The following ST6GALNAC3 variants were observed in gnomAD, a reference collection of about 807,000 sequenced individuals.
ST6GALNAC3 encodes ST6 N-acetylgalactosaminide alpha-2,6-sialyltransferase 3.
In ST6GALNAC3, 25 loss-of-function variants were observed where a neutral mutation model predicts 32.7. That is an observed-to-expected ratio of 0.76 (90% CI 0.56 to 1.07). ST6GALNAC3 has a LOEUF of 1.07. Ranked by LOEUF, ST6GALNAC3 falls within the 50% of genes least tolerant of loss-of-function variation. The probability of loss-of-function intolerance (pLI) is 0.00; values close to 1 mark genes in which losing one functional copy is unlikely to be tolerated. For missense variants in ST6GALNAC3, 355 were observed against 382.4 expected (o/e 0.93, Z 0.60); for synonymous variants, 129 against 133.1 (o/e 0.97, Z 0.21).
intron 1 of ST6GALNAC3, among the ~76,000 whole-genome samples, chr1:76,295,484 T>C (rs1260923661): frequency 1.3e-5 from 2 of 152,016 alleles, no homozygotes. Context: ...GTAGGATGAC[T>C]AGAGAGAGAA....
At chr1:76,408,940 A>G (rs1571134316) in intron 2 of ST6GALNAC3, among the ~76,000 whole-genome samples, 1 of 152,116 alleles carries the variant, frequency 6.6e-6, no homozygotes, top group Non-Finnish European at 1.5e-5. Flanking sequence ...ATTGATTTGC[A>G]TGACTGTAAG....
intron 2 of ST6GALNAC3, among the ~76,000 whole-genome samples, chr1:76,386,138 A>T (rs1018967479): frequency 6.8e-5 from 10 of 147,160 alleles, no homozygotes; most frequent in Admixed American, 6.1e-4. Flanking sequence ...CCTATATATT[A>T]AAAAAAAAAA....
At chr1:76,460,594 A>C (rs145832547) in intron 3 of ST6GALNAC3, among the ~76,000 whole-genome samples, 1 of 152,188 alleles carries the variant, frequency 6.6e-6, no homozygotes, top group South Asian at 2.1e-4. Flanking sequence ...GCATCTGTAA[A>C]GTTTCATCAC....
chr1:76,249,820 C>T (rs1175744960), intron 1 of ST6GALNAC3, among the ~76,000 whole-genome samples: 1 of 152,022 alleles, frequency 6.6e-6, no homozygotes, highest in Non-Finnish European at 1.5e-5. Flanking sequence ...TGAAGTGTGT[C>T]TTGTGGTTTT....
chr1:76,491,957 C>T (rs893647308), intron 3 of ST6GALNAC3, among the ~76,000 whole-genome samples: 2 of 152,154 alleles, frequency 1.3e-5, no homozygotes, highest in Non-Finnish European at 2.9e-5. Context: ...CTCTGATAAC[C>T]GTGAAAGCTG....
chr1:76,163,229 C>G (rs1651922281), intron 1 of ST6GALNAC3, among the ~76,000 whole-genome samples: 1 of 152,098 alleles, frequency 6.6e-6, no homozygotes, highest in Admixed American at 6.5e-5. Context: ...AAAAGTTGTT[C>G]TTGAAGTTTT....
intron 3 of ST6GALNAC3, among the ~76,000 whole-genome samples, chr1:76,576,017 A>G (rs1646799732): frequency 6.6e-6 from 1 of 152,002 alleles, no homozygotes; most frequent in Non-Finnish European, 1.5e-5. Flanking sequence ...ACGGCACCCC[A>G]TATATCATCA....
chr1:76,442,534 T>C (rs757509954), intron 3 of ST6GALNAC3, among the ~76,000 whole-genome samples: 3 of 152,228 alleles, frequency 2.0e-5, no homozygotes, highest in Non-Finnish European at 4.4e-5. Context: ...TGTGATATAA[T>C]TCATTTCATG....
chr1:76,347,172 A>G (rs1648591671), intron 2 of ST6GALNAC3, among the ~76,000 whole-genome samples: 1 of 152,226 alleles, frequency 6.6e-6, no homozygotes, highest in Admixed American at 6.5e-5. Flanking sequence ...GTTAGCATGT[A>G]GAAAATTAAT....
intron 3 of ST6GALNAC3, among the ~76,000 whole-genome samples, chr1:76,494,430 T>TAC (rs1660681397): frequency 1.1e-4 from 1 of 8,996 alleles, no homozygotes; most frequent in African/African-American, 4.3e-4. Flanking sequence ...TGTGCATGTG[T>TAC]ATATATATAT....
At chr1:76,526,159 G>A (rs1002582637) in intron 3 of ST6GALNAC3, among the ~76,000 whole-genome samples, 4 of 151,716 alleles carry the variant, frequency 2.6e-5, no homozygotes, top group South Asian at 4.1e-4. Flanking sequence ...TCTCCAGGAC[G>A]ACGATAGAAT....
intron 3 of ST6GALNAC3, among the ~76,000 whole-genome samples, chr1:76,592,123 A>T (rs567735409): frequency 6.6e-5 from 10 of 152,118 alleles, no homozygotes; most frequent in Non-Finnish European, 1.2e-4. Flanking sequence ...AATCAAGGAG[A>T]ATGACATAAT....
chr1:76,405,317 A>C (rs183238947), intron 2 of ST6GALNAC3, among the ~76,000 whole-genome samples: 184 of 152,188 alleles, frequency 1.2e-3, no homozygotes, highest in African/African-American at 3.9e-3. Context: ...CTGTTTTGCA[A>C]GTTTTATTAT....
chr1:76,581,474 A>G (rs1646890980), intron 3 of ST6GALNAC3, among the ~76,000 whole-genome samples: 2 of 152,302 alleles, frequency 1.3e-5, no homozygotes, highest in South Asian at 4.1e-4. Flanking sequence ...GTTCACATAT[A>G]TACACAGCTG....
At chr1:76,474,628 T>C (rs1659235456) in intron 3 of ST6GALNAC3, among the ~76,000 whole-genome samples, 1 of 152,176 alleles carries the variant, frequency 6.6e-6, no homozygotes. Context: ...GTGATTAGAA[T>C]AGCTATTAAC....
At chr1:76,268,134 A>G (rs1027247629) in intron 1 of ST6GALNAC3, among the ~76,000 whole-genome samples, 1 of 152,202 alleles carries the variant, frequency 6.6e-6, no homozygotes, top group South Asian at 2.1e-4. Context: ...TCATTTTGAT[A>G]CAGATAAGAT....
chr1:76,130,161 C>T (rs1001688595), intron 1 of ST6GALNAC3, among the ~76,000 whole-genome samples: 2 of 152,198 alleles, frequency 1.3e-5, no homozygotes, highest in African/African-American at 4.8e-5. Flanking sequence ...TAAAGATTTG[C>T]CTATTTCATG....
rs1028531149 is a variant in ST6GALNAC3 at position 76,272,906 on chromosome 1, C to A, written c.19-40899C>A. The stretch of plus-strand genomic sequence containing the variant: ...ACTGAGGGCTATCTTTTGCTTTTGG[C>A]GTCTTGATGGATGCCTAAGGTGGAT... On this transcript the variant is annotated intron_variant, in intron 1 of 4. Transcript: ENST00000328299. Among the ~76,000 whole-genome samples, 20 of 152,258 alleles carry A rather than the reference C, an allele frequency of 1.3e-4. No individual in the cohort carries two copies. In the South Asian group the frequency reaches 2.3e-3, roughly 17 times the overall value.
chr1:76,075,874 CGTT>C (rs1438191450), intron 1 of ST6GALNAC3, among the ~76,000 whole-genome samples: 2 of 152,104 alleles, frequency 1.3e-5, no homozygotes, highest in Non-Finnish European at 2.9e-5. Flanking sequence ...GGAAACAATT[CGTT>C]GTTGTTGTGT....
Sources: allele counts gnomAD v4.1 joint callset (sites outside exome capture counted in the v4.1 genomes callset), GRCh38; gene constraint gnomAD v4.1.1; transcripts MANE v1.5; gene names NCBI Gene and HGNC (gene_info 2026-07-23, HGNC 2026-07-21).